Variants in MBOAT1 observed in about 807,000 individuals in gnomAD.
The protein encoded by MBOAT1 is membrane bound glycerophospholipid O-acyltransferase 1, also known as membrane-bound glycerophospholipid O-acyltransferase 1.
MBOAT1 carries 67 observed loss-of-function variants against 64.4 expected under a neutral mutation model. The ratio of observed to expected loss-of-function variants is 1.04; its 90% CI spans 0.85 to 1.27. The LOEUF (loss-of-function observed/expected upper bound fraction) is 1.27, where lower values mean the gene tolerates loss of function less well. MBOAT1 is among the 50% of genes most tolerant of loss of function. The pLI is 0.00. For synonymous variants in MBOAT1, 229 were observed against 218.9 expected, an observed-to-expected ratio of 1.05 and a Z score of -0.41; for missense variants, 563 against 604.6, an observed-to-expected ratio of 0.93 and a Z score of 0.72.
chr6:20,157,814 A>T (rs1761739131), intron 1 of MBOAT1, among the ~76,000 whole-genome samples: 1 of 152,202 alleles, frequency 6.6e-6, no homozygotes, highest in Admixed American at 6.5e-5. Flanking sequence ...AACAGTTAAC[A>T]GTAATAAAAG....
chr6:20,120,000 TGTGTGC>T (rs1476456074), intron 8 of MBOAT1, among the ~76,000 whole-genome samples: 2 of 70,418 alleles, frequency 2.8e-5, no homozygotes, highest in African/African-American at 1.0e-4. Flanking sequence ...TGTGTGTGTG[TGTGTGC>T]GTGTGTGTGT....
chr6:20,153,130 A>G (rs564384631), intron 1 of MBOAT1, among the ~76,000 whole-genome samples: 4 of 152,232 alleles, frequency 2.6e-5, no homozygotes, highest in African/African-American at 9.6e-5. Flanking sequence ...CACCGCGCCC[A>G]GCCTTGCTCT....
intron 4 of MBOAT1, among the ~76,000 whole-genome samples, chr6:20,138,495 A>G (rs1277167515): frequency 6.6e-6 from 1 of 152,242 alleles, no homozygotes; most frequent in Non-Finnish European, 1.5e-5. Context: ...TCTTGTGTCA[A>G]ACCCCCAAAT....
At chr6:20,109,901 A>ATTTTTTTTTTTTTTTTTTTTTTTTTTT (rs756853889) in intron 11 of MBOAT1, 152 bp from the exon 12 acceptor site, 4 of 296,680 alleles carry the variant, frequency 1.3e-5, no homozygotes, top group African/African-American at 2.6e-5. Context: ...TACCATCAGG[A>ATTTTTTTTTTTTTTTTTTTTTTTTTTT]CTTTTTTTTT....
At position 20,101,921 on chromosome 6, in the gene MBOAT1, C is replaced by T. The variant is rs974714727; in HGVS notation, c.*365G>A. Among the ~76,000 whole-genome samples the T allele has an allele frequency of 2.6e-5, 4 of 151,450 alleles. No individual in the cohort carries two copies. Among genetic ancestry groups the T allele is most frequent in the Non-Finnish European group, 5.9e-5 (4 of 67,876 alleles). On this transcript the variant is annotated 3_prime_UTR_variant, in exon 13 of 13. Transcript: ENST00000324607. ...ACGAGGTCAGGAGATCGAGACCATCCCGGCTAAAACGGTGAAACCCCGTCT... is the reference window on the plus strand; with the variant it reads ...ACGAGGTCAGGAGATCGAGACCATCTCGGCTAAAACGGTGAAACCCCGTCT...
chr6:20,198,227 CA>C (rs5874758), intron 1 of MBOAT1, among the ~76,000 whole-genome samples: 87,663 of 125,432 alleles, frequency 0.7, 28,398 homozygotes, highest in Admixed American at 0.75. Flanking sequence ...GACTGTGTCT[CA>C]AAAAAAAAAA....
At chr6:20,159,167 T>C (rs969013390) in intron 1 of MBOAT1, among the ~76,000 whole-genome samples, 1 of 152,004 alleles carries the variant, frequency 6.6e-6, no homozygotes, top group Non-Finnish European at 1.5e-5. Context: ...CCCCAGGCCA[T>C]GGGCCAGTAC....
At chr6:20,117,690 C>T (rs571365540) in intron 9 of MBOAT1, among the ~76,000 whole-genome samples, 2 of 152,294 alleles carry the variant, frequency 1.3e-5, no homozygotes, top group East Asian at 3.9e-4. Context: ...ACTCTGTCTG[C>T]CCTGTGGCAG....
chr6:20,207,539 A>G (rs1009024592), intron 1 of MBOAT1, among the ~76,000 whole-genome samples: 11 of 152,176 alleles, frequency 7.2e-5, no homozygotes, highest in African/African-American at 2.7e-4. Flanking sequence ...TGTGGCCTAC[A>G]TGCTACAAAT....
At chr6:20,168,802 G>A (rs1400128777) in intron 1 of MBOAT1, among the ~76,000 whole-genome samples, 6 of 108,546 alleles carry the variant, frequency 5.5e-5, no homozygotes, top group African/African-American at 2.1e-4. Flanking sequence ...GGAAAAGGGG[G>A]GAGGGGAGGG....
rs150255192 is a variant in MBOAT1, at chr6:20,117,249, T to A, written c.1011+1188A>T. 2.0e-5 allele frequency among the ~76,000 whole-genome samples: 3 copies of A among 152,356 alleles called. No individual in the cohort carries two copies. In the East Asian group the frequency reaches 5.8e-4, roughly 29 times the overall value. Reference sequence around the variant, plus strand: ...CAGGAGACCCCAGATCCTCTAGGACTATACAAAAATGAGTGTTTTGCCCGC... The same window carrying A: ...CAGGAGACCCCAGATCCTCTAGGACAATACAAAAATGAGTGTTTTGCCCGC... On this transcript the variant is annotated intron_variant, in intron 9 of 12. Transcript: ENST00000324607.
chr6:20,158,112 T>C (rs552132904), intron 1 of MBOAT1, among the ~76,000 whole-genome samples: 1 of 142,212 alleles, frequency 7.0e-6, no homozygotes, highest in Non-Finnish European at 1.5e-5. Context: ...GGCAAGATCA[T>C]ATCACTGCAC....
chr6:20,153,338 G>C (rs1761583413), intron 1 of MBOAT1, among the ~76,000 whole-genome samples: 1 of 152,136 alleles, frequency 6.6e-6, no homozygotes, highest in Non-Finnish European at 1.5e-5. Context: ...CCACAAGCAG[G>C]GGGCTTTTCA....
chr6:20,167,097 A>C (rs1156813238), intron 1 of MBOAT1, among the ~76,000 whole-genome samples: 1 of 152,230 alleles, frequency 6.6e-6, no homozygotes, highest in Non-Finnish European at 1.5e-5. Flanking sequence ...AATTGGTTCC[A>C]CATCTAGGAG....
chr6:20,105,348 G>A (rs1759919067), intron 12 of MBOAT1, among the ~76,000 whole-genome samples: 1 of 152,212 alleles, frequency 6.6e-6, no homozygotes, highest in Non-Finnish European at 1.5e-5. Flanking sequence ...ATCTATTATG[G>A]AAAGACTAAA....
chr6:20,106,657 C>T (rs1759967632), intron 12 of MBOAT1, among the ~76,000 whole-genome samples: 1 of 152,208 alleles, frequency 6.6e-6, no homozygotes, highest in South Asian at 2.1e-4. Flanking sequence ...CTCCTGACCT[C>T]ATAATCCACT....
At chr6:20,124,281 T>C in intron 8 of MBOAT1, 127 bp downstream of exon 8, 1 of 876,418 alleles carries the variant, frequency 1.1e-6, no homozygotes, top group Non-Finnish European at 1.7e-6. Context: ...AAACTGACCC[T>C]GACTCAACTG....
intron 11 of MBOAT1, among the ~76,000 whole-genome samples, chr6:20,111,631 T>C (rs1474696927): frequency 1.3e-5 from 2 of 151,670 alleles, no homozygotes; most frequent in Non-Finnish European, 2.9e-5. Flanking sequence ...GAATTCTAAG[T>C]TTTATTTCTT....
intron 4 of MBOAT1, among the ~76,000 whole-genome samples, chr6:20,134,456 C>A (rs1760919682): frequency 6.6e-6 from 1 of 151,812 alleles, no homozygotes; most frequent in African/African-American, 2.4e-5. Flanking sequence ...ATATTGCTTC[C>A]ATTTTAAATA....
Sources: allele counts gnomAD v4.1 joint callset (sites outside exome capture counted in the v4.1 genomes callset), GRCh38; gene constraint gnomAD v4.1.1; transcripts MANE v1.5; gene names NCBI Gene and HGNC (gene_info 2026-07-23, HGNC 2026-07-21).